MTUS2: variants seen among roughly 807,000 people sequenced by gnomAD.
MTUS2 encodes microtubule-associated tumor suppressor candidate 2.
MTUS2 carries 40 observed loss-of-function variants against 114.1 expected under a neutral mutation model. The observed-to-expected ratio is 0.35, with a 90% confidence interval of 0.27 to 0.46. MTUS2 has a LOEUF of 0.46. MTUS2 is among the 20% of genes least tolerant of loss of function. The pLI is 1.00. For missense variants in MTUS2, 1,679 were observed against 1,705.4 expected (o/e 0.98, Z 0.27); for synonymous variants, 688 against 672.0 (o/e 1.02, Z -0.37).
At chr13:29,272,204 ATAT>A (rs1268176499) in intron 5 of MTUS2, among the ~76,000 whole-genome samples, 4 of 152,212 alleles carry the variant, frequency 2.6e-5, no homozygotes, top group Non-Finnish European at 5.9e-5. Context: ...ATTAAACTAA[ATAT>A]TATCACCAAG....
At chr13:29,089,857 T>C (rs2475533) in intron 4 of MTUS2, among the ~76,000 whole-genome samples, 98,374 of 152,018 alleles carry the variant, frequency 0.65, 32,943 homozygotes, top group Non-Finnish European at 0.74. Context: ...TTACTGGTTC[T>C]TTGAATTAGG....
At chr13:28,927,663 A>G (rs1881395543) in intron 2 of MTUS2, among the ~76,000 whole-genome samples, 1 of 152,252 alleles carries the variant, frequency 6.6e-6, no homozygotes, top group Admixed American at 6.5e-5. Flanking sequence ...AGTTCTAAGT[A>G]GAGATAAAAT....
intron 5 of MTUS2, among the ~76,000 whole-genome samples, chr13:29,142,362 GCTGATGCTC>G (rs1892258529): frequency 6.6e-6 from 1 of 152,104 alleles, no homozygotes; most frequent in South Asian, 2.1e-4. Flanking sequence ...CCTGGGTAAT[GCTGATGCTC>G]CTGGTCCAGA....
chr13:29,318,073 C>T (rs1900085197), intron 6 of MTUS2, among the ~76,000 whole-genome samples: 1 of 152,186 alleles, frequency 6.6e-6, no homozygotes, highest in Non-Finnish European at 1.5e-5. Flanking sequence ...AGGGTCAGCC[C>T]CGTGGCATGT....
intron 4 of MTUS2, among the ~76,000 whole-genome samples, chr13:29,034,662 C>T (rs1181075543): frequency 1.3e-5 from 2 of 152,160 alleles, no homozygotes; most frequent in Non-Finnish European, 2.9e-5. Context: ...AAGAGTCAAG[C>T]AAGGACATGA....
At chr13:29,145,272 A>G (rs1278846828) in intron 5 of MTUS2, among the ~76,000 whole-genome samples, 1 of 152,188 alleles carries the variant, frequency 6.6e-6, no homozygotes, top group Admixed American at 6.5e-5. Context: ...CTGTAATCCC[A>G]GCACTTTGGG....
chr13:28,850,711 C>T (rs577042556), intron 2 of MTUS2, among the ~76,000 whole-genome samples: 1 of 152,172 alleles, frequency 6.6e-6, no homozygotes, highest in Non-Finnish European at 1.5e-5. Context: ...GTCTCTAAAC[C>T]ATCCTGGAGA....
rs546760495 is a variant in MTUS2 at position 28,905,153 on chromosome 13, G to T, written c.-243+65303G>T. On this transcript the variant is annotated intron_variant, in intron 2 of 15. Transcript: ENST00000612955. ...TGCCTATCAGCTTAAGGAGATTTTG[G>T]GCTGAGAAAATGGGGTTTTCTAGAT... Among the ~76,000 whole-genome samples the T allele has an allele frequency of 2.6e-4, 39 of 151,582 alleles. 1 individual carries two copies. The highest frequency in any genetic ancestry group is 8.3e-4 in the African/African-American group (34 of 41,132).
rs1298646203 is a variant in MTUS2, at chr13:29,026,507, A to C, written c.1809A>C (p.Thr603=). 3 of 1,613,856 alleles carry C rather than the reference A, an allele frequency of 1.9e-6. No homozygotes were observed. In the East Asian group the frequency reaches 6.7e-5, roughly 36 times the overall value. Residue 603 remains threonine, a synonymous_variant, in exon 3 of 16, where the codon ACA becomes ACC. Coordinates refer to ENST00000612955, the MANE Select transcript of MTUS2 (RefSeq NM_001033602.4). ...GTGGGATCCCCAAGCCTGTCTTCAC[A>C]CATTCCAAGGACACACCTTCCTCGC... ...CPSGIPKPVF[T]HSKDTPSSQE...
At chr13:29,257,401 G>A (rs1311944553) in intron 5 of MTUS2, among the ~76,000 whole-genome samples, 1 of 152,196 alleles carries the variant, frequency 6.6e-6, no homozygotes, top group East Asian at 1.9e-4. Context: ...GTTTCCTGTG[G>A]TTTTGATGCC....
chr13:29,474,234 A>G (rs572368331), intron 9 of MTUS2, among the ~76,000 whole-genome samples: 2 of 152,312 alleles, frequency 1.3e-5, no homozygotes, highest in East Asian at 1.9e-4. Flanking sequence ...TTTATTTAAG[A>G]CAACAGTGCA....
chr13:29,279,761 C>T (rs1261920948), intron 5 of MTUS2, among the ~76,000 whole-genome samples: 2 of 152,148 alleles, frequency 1.3e-5, no homozygotes, highest in Non-Finnish European at 2.9e-5. Flanking sequence ...TACTTCCCAG[C>T]CTGGAGAGCA....
chr13:29,251,316 A>AATAATG (rs1389771791), intron 5 of MTUS2, among the ~76,000 whole-genome samples: 1 of 151,238 alleles, frequency 6.6e-6, no homozygotes, highest in Non-Finnish European at 1.5e-5. Context: ...TAATAATAAT[A>AATAATG]ATAAATGCCT....
chr13:29,394,855 G>A (rs1873788665), intron 8 of MTUS2, among the ~76,000 whole-genome samples: 1 of 152,146 alleles, frequency 6.6e-6, no homozygotes, highest in Admixed American at 6.5e-5. Flanking sequence ...GATCTAGGTT[G>A]CGCCCTCCTT....
chr13:29,434,897 C>T (rs915800488), intron 8 of MTUS2, among the ~76,000 whole-genome samples: 13 of 152,170 alleles, frequency 8.5e-5, no homozygotes, highest in South Asian at 6.2e-4. Flanking sequence ...GCAATATCCC[C>T]GCGAGTTTGC....
chr13:29,043,525 G>A (rs1335100975), intron 4 of MTUS2, among the ~76,000 whole-genome samples: 1 of 151,672 alleles, frequency 6.6e-6, no homozygotes, highest in African/African-American at 2.4e-5. Flanking sequence ...CTGTCAGTGG[G>A]GTACTGAAGT....
At chr13:29,230,938 C>T (rs77990558) in intron 5 of MTUS2, among the ~76,000 whole-genome samples, 3,821 of 152,126 alleles carry the variant, frequency 0.025, 102 homozygotes, top group East Asian at 0.068. Flanking sequence ...ATTTTGCCTG[C>T]ATTACGGGAA....
At position 29,232,306 on chromosome 13, in the gene MTUS2, GCACA is replaced by G. The variant is rs1292889706; in HGVS notation, c.2645-49384_2645-49381del. Among the ~76,000 whole-genome samples, 22 of 43,032 alleles carry G rather than the reference GCACA, an allele frequency of 5.1e-4. No homozygotes were observed. The South Asian group carries it at 0.011, about 22-fold the overall frequency. 28.2% of individuals were successfully genotyped at this position (43,032 alleles called of 152,430 possible). A position where few individuals can be genotyped will look rare whatever the true frequency, so the allele number is the denominator to read the frequency against. ...CACACACACACACACACGCGCGCGC[GCACA>G]CACACACACACACGCACACATACAC... On this transcript the variant is annotated intron_variant, in intron 5 of 15. Coordinates refer to ENST00000612955, the MANE Select transcript of MTUS2 (RefSeq NM_001033602.4).
intron 6 of MTUS2, among the ~76,000 whole-genome samples, chr13:29,303,273 G>A (rs1332555466): frequency 6.6e-6 from 1 of 152,200 alleles, no homozygotes; most frequent in East Asian, 1.9e-4. Context: ...CACCTCTGCA[G>A]CAAGGACACA....
Sources: gnomAD v4.1 joint callset for allele counts (sites outside exome capture counted in the v4.1 genomes callset) on GRCh38, gnomAD v4.1.1 for gene constraint, MANE v1.5 for transcripts, NCBI Gene and HGNC (gene_info 2026-07-23, HGNC 2026-07-21) for gene names.